Variants in SP6 observed in about 807,000 individuals in gnomAD.
SP6 encodes transcription factor Sp6.
A neutral mutation model predicts 23.4 loss-of-function variants in SP6; 10 were observed. That is an observed-to-expected ratio of 0.43 (90% CI 0.26 to 0.72). The LOEUF (loss-of-function observed/expected upper bound fraction) is 0.72, where lower values mean the gene tolerates loss of function less well. Ranked by LOEUF, SP6 falls within the 30% of genes least tolerant of loss-of-function variation. The pLI, the probability that SP6 is intolerant of heterozygous loss-of-function variation, is 0.23. For synonymous variants in SP6, 238 were observed against 238.7 expected (o/e 1.00, Z 0.03); for missense variants, 482 against 523.8 (o/e 0.92, Z 0.78).
At chr17:47,857,430 C>A (rs2034005205), upstream of SP6, among the ~76,000 whole-genome samples, 1 of 152,182 alleles carries the variant, frequency 6.6e-6, no homozygotes. Context: ...GGTGAGCATA[C>A]AAATTCTTTC....
upstream of SP6, among the ~76,000 whole-genome samples, chr17:47,853,357 G>C (rs976103820): frequency 5.3e-5 from 8 of 152,170 alleles, no homozygotes; most frequent in African/African-American, 1.4e-4. Flanking sequence ...AGTTGGGTTT[G>C]TATCCTAGTT....
At chr17:47,857,655 C>T (rs935344711), upstream of SP6, among the ~76,000 whole-genome samples, 1 of 152,176 alleles carries the variant, frequency 6.6e-6, no homozygotes, top group African/African-American at 2.4e-5. Context: ...AGGAGACCCC[C>T]TTTCCTCCTC....
In SP6 at chr17:47,848,314, T is replaced by C; in HGVS notation, c.116A>G (p.Glu39Gly). ...CAGCGGGGAGGGGTAGTCCCCGGCC[T>C]CAGGGCTCGTGTGGCCCTGGTAAGT... ...LQTYQGHTSPEAGDYPSPLQP... is the reference protein window; with the variant it reads ...LQTYQGHTSPGAGDYPSPLQP... Residue 39 changes from glutamate to glycine, a missense_variant, in exon 2 of 2, where the codon GAG becomes GGG. This residue lies in a region of SP6 where 330 missense variants were observed against 332.3 expected (regional missense o/e 0.99). Transcript: ENST00000536300. This position sits in a 1 kb window ranked among gnomAD's most constrained non-coding sequence, Gnocchi z 5.3. 6.2e-7 allele frequency: 1 copy of C among 1,611,140 alleles called. No individual in the cohort carries two copies. The highest frequency in any genetic ancestry group is 1.1e-5 in the South Asian group (1 of 90,666).
At position 47,847,620 on chromosome 17, in the gene SP6, G is replaced by A. The variant is rs754289371; in HGVS notation, c.810C>T (p.His270=). ...TGTGCCAGCGCAGGTGCGCCTTCAG[G>A]TGCGACGTCTTGGCGTAGGCTTTCC... ...GCGKAYAKTS[H]LKAHLRWHSG... The change falls in exon 2 of 2, where the codon CAC becomes CAT. Residue 270 remains histidine (H), a synonymous_variant. Transcript: ENST00000536300. 5 of 1,613,544 alleles carry A rather than the reference G, an allele frequency of 3.1e-6. No homozygotes were observed. Among genetic ancestry groups the A allele is most frequent in the Non-Finnish European group, 4.2e-6 (5 of 1,179,922 alleles).
chr17:47,873,476 T>TG, the SP6 span, among the ~76,000 whole-genome samples: 3 of 152,172 alleles, frequency 2.0e-5, no homozygotes, highest in South Asian at 6.2e-4. Context: ...GCATGCCAGC[T>TG]GGGGGAGGGG....
rs779459367 is a variant in SP6, at chr17:47,848,463, G to T, written c.-34C>A. 5.6e-5 allele frequency: 82 copies of T among 1,463,970 alleles called. No homozygotes were observed. Among genetic ancestry groups the T allele is most frequent in the Admixed American group, 1.8e-4 (7 of 38,104 alleles). The allele number at this position is 1,463,970 out of a possible 1,614,324, so 90.7% of individuals were successfully genotyped here. ...TCCGGGGTGGGGTGAGGGCAGGGAC[G>T]GTCAGGGGCACCTCAGACGGGACCT... On this transcript the variant is annotated 5_prime_UTR_variant, in exon 2 of 2. Transcript: ENST00000536300. This position sits in a 1 kb window ranked among gnomAD's most constrained non-coding sequence, Gnocchi z 5.3.
At chr17:47,868,509 A>C in the SP6 span, among the ~76,000 whole-genome samples, 1 of 152,214 alleles carries the variant, frequency 6.6e-6, no homozygotes, top group African/African-American at 2.4e-5. Context: ...CAGCCAACCC[A>C]GAGCTGCCTA....
the SP6 span, among the ~76,000 whole-genome samples, chr17:47,861,272 G>C: frequency 6.6e-6 from 1 of 152,180 alleles, no homozygotes; most frequent in Non-Finnish European, 1.5e-5. Flanking sequence ...CCCTCTGGCC[G>C]GGGTGGGGGC....
At chr17:47,859,614 A>G (rs1281625411), upstream of SP6, among the ~76,000 whole-genome samples, 1 of 152,208 alleles carries the variant, frequency 6.6e-6, no homozygotes, top group Non-Finnish European at 1.5e-5. Flanking sequence ...AAGCTTCCAG[A>G]AGCTCCTCAG....
chr17:47,867,923 A>G, the SP6 span, among the ~76,000 whole-genome samples: 2 of 152,008 alleles, frequency 1.3e-5, no homozygotes, highest in African/African-American at 2.4e-5. Context: ...GTGTCCCCCA[A>G]CCACCCCTCA....
chr17:47,851,897 C>T (rs1427286676), upstream of SP6, among the ~76,000 whole-genome samples: 1 of 151,904 alleles, frequency 6.6e-6, no homozygotes, highest in Non-Finnish European at 1.5e-5. Context: ...CCCCCCTACT[C>T]TGGTCCCAGG....
Position 47,847,150 on chromosome 17 carries a change from C to A in SP6, c.*149G>T. The stretch of plus-strand genomic sequence containing the variant: ...CCCAGAGACTAAGAACCCCTAGCGC[C>A]CCATCTCCCTGTCCCTGCACCACTT... On this transcript the variant is annotated 3_prime_UTR_variant, in exon 2 of 2. Coordinates refer to ENST00000536300, the MANE Select transcript of SP6 (RefSeq NM_001258248.2). 1 of 824,776 alleles carries A rather than the reference C, an allele frequency of 1.2e-6. No individual in the cohort carries two copies. Among genetic ancestry groups the A allele is most frequent in the Non-Finnish European group, 1.8e-6 (1 of 543,484 alleles). The allele number at this position is 824,776 out of a possible 1,614,324, so 51.1% of individuals were successfully genotyped here. A position where few individuals can be genotyped will look rare whatever the true frequency, so the allele number is the denominator to read the frequency against.
chr17:47,849,282 C>T (rs2033930888), intron 1 of SP6, among the ~76,000 whole-genome samples: 1 of 152,292 alleles, frequency 6.6e-6, no homozygotes, highest in South Asian at 2.1e-4. Context: ...TACCCATCTT[C>T]CTCTCCATGC....
the SP6 span, among the ~76,000 whole-genome samples, chr17:47,874,089 CTTCT>C: frequency 6.6e-6 from 1 of 150,758 alleles, no homozygotes; most frequent in African/African-American, 2.4e-5. Context: ...CCTCCTTCTT[CTTCT>C]TTTTTGTTAT....
At chr17:47,852,418 G>C (rs1321528957), upstream of SP6, among the ~76,000 whole-genome samples, 1 of 151,686 alleles carries the variant, frequency 6.6e-6, no homozygotes, top group East Asian at 1.9e-4. Flanking sequence ...ATCTCTCCAT[G>C]TGACCCCTTT....
At chr17:47,858,423 C>G (rs1474290360), upstream of SP6, among the ~76,000 whole-genome samples, 1 of 152,174 alleles carries the variant, frequency 6.6e-6, no homozygotes, top group Non-Finnish European at 1.5e-5. Context: ...GCTCCAAAGG[C>G]AGACACTACT....
chr17:47,861,566 C>A, the SP6 span, among the ~76,000 whole-genome samples: 1 of 152,222 alleles, frequency 6.6e-6, no homozygotes, highest in Non-Finnish European at 1.5e-5. Flanking sequence ...AAACCCATCT[C>A]TACCAAAAAT....
chr17:47,853,002 T>C (rs2033973076), upstream of SP6, among the ~76,000 whole-genome samples: 1 of 152,240 alleles, frequency 6.6e-6, no homozygotes, highest in Admixed American at 6.5e-5. Context: ...ACCTGTGGAC[T>C]AGAAGTTGAC....
At position 47,848,087 on chromosome 17, in the gene SP6, C is replaced by T. The variant is rs1231552883; in HGVS notation, c.343G>A (p.Ala115Thr). 2.5e-6 allele frequency: 4 copies of T among 1,613,420 alleles called. No individual in the cohort carries two copies. The highest frequency in any genetic ancestry group is 3.4e-6 in the Non-Finnish European group (4 of 1,179,976). ...AGGTCCCACCACGAGCCATCCTCCGCGCCTGGGTGAGTCGGCCTGAACCAC... is the reference window on the plus strand; with the variant it reads ...AGGTCCCACCACGAGCCATCCTCCGTGCCTGGGTGAGTCGGCCTGAACCAC... ...ESWFRPTHPG[A>T]EDGSWWDLHP... The change falls in exon 2 of 2, where the codon GCG (alanine) becomes ACG (threonine). Residue 115 changes from alanine to threonine, a missense_variant. Coordinates refer to ENST00000536300, the MANE Select transcript of SP6 (RefSeq NM_001258248.2). This position sits in a 1 kb window ranked among gnomAD's most constrained non-coding sequence, Gnocchi z 5.3.
Sources: allele counts gnomAD v4.1 joint callset (sites outside exome capture counted in the v4.1 genomes callset), GRCh38; gene constraint gnomAD v4.1.1; regional missense constraint gnomAD v4.1.1; non-coding constraint Gnocchi (gnomAD v3.1); transcripts MANE v1.5; gene names NCBI Gene and HGNC (gene_info 2026-07-23, HGNC 2026-07-21).